MROH2B: variants seen among roughly 807,000 people sequenced by gnomAD.
MROH2B encodes maestro heat-like repeat-containing protein family member 2B.
MROH2B carries 177 observed loss-of-function variants against 208.6 expected under a neutral mutation model. The ratio of observed to expected loss-of-function variants is 0.85; its 90% CI spans 0.75 to 0.96. The LOEUF (loss-of-function observed/expected upper bound fraction) is 0.96. MROH2B is among the 40% of genes least tolerant of loss of function. The pLI is 0.00. For synonymous variants in MROH2B, 728 were observed against 659.0 expected (o/e 1.10, Z -1.60); for missense variants, 2,002 against 1,878.7 (o/e 1.07, Z -1.21).
At chr5:41,025,351 A>G (rs1742315700) in intron 24 of MROH2B, among the ~76,000 whole-genome samples, 1 of 152,154 alleles carries the variant, frequency 6.6e-6, no homozygotes, top group African/African-American at 2.4e-5. Flanking sequence ...GATAAAGGGG[A>G]TATCACCACC....
At position 41,027,261 on chromosome 5, in the gene MROH2B, A is replaced by G. The variant is rs1480319144; in HGVS notation, c.2441+5481T>C. ...TCAGAGTGAACAGACAACCTACAAA[A>G]TGGGAGAAAATTTTTGCAATCTACT... On this transcript the variant is annotated intron_variant, in intron 24 of 41. Coordinates refer to ENST00000399564, the MANE Select transcript of MROH2B (RefSeq NM_173489.5). Among the ~76,000 whole-genome samples, 4 of 152,346 alleles carry G rather than the reference A, an allele frequency of 2.6e-5. No homozygotes were observed. In the East Asian group the frequency reaches 7.7e-4, roughly 29 times the overall value.
chr5:41,007,537 ACAATGCTTTCCCACCC>A (rs939446323), intron 33 of MROH2B, 83 bp from the exon 34 acceptor site: 39 of 1,266,430 alleles, frequency 3.1e-5, no homozygotes, highest in Non-Finnish European at 3.7e-5. Context: ...TCCACTCCTC[ACAATGCTTTCCCACCC>A]CTGGACTAGG....
At position 41,052,515 on chromosome 5, in the gene MROH2B, G is replaced by A. The variant is rs185312266; in HGVS notation, c.1180C>T (p.Pro394Ser). Residue 394 changes from proline to serine, a missense_variant, in exon 12 of 42, where the codon CCA becomes TCA. Physicochemically the swap from Pro to Ser is moderately conservative, Grantham distance 74. Coordinates refer to ENST00000399564, the MANE Select transcript of MROH2B (RefSeq NM_173489.5). ...TGGGAGAAGACATAATCAATCAATG[G>A]CCATCCTTCCCGAGCTTCAATATAG... The part of the protein sequence containing the change: ...KSYIEAREGW[P>S]LIDYVFSQFA... The A allele has an allele frequency of 5.9e-5, 95 of 1,612,658 alleles. No individual in the cohort carries two copies. In the African/African-American group the frequency reaches 1.1e-3, roughly 19 times the overall value.
At chr5:41,018,267 T>C (rs1362130307) in intron 27 of MROH2B, 74 bp downstream of exon 27, 2 of 1,436,962 alleles carry the variant, frequency 1.4e-6, no homozygotes, top group Non-Finnish European at 9.5e-7. Context: ...TGCAGGAGTT[T>C]TGGATTCCAG....
intron 3 of MROH2B, among the ~76,000 whole-genome samples, chr5:41,065,694 C>T (rs56397978): frequency 0.039 from 5,904 of 152,140 alleles, 166 homozygotes; most frequent in Non-Finnish European, 0.057. Flanking sequence ...ACCATTCCTC[C>T]CACCTTCTGT....
At chr5:41,053,561 A>G (rs1450077090) in intron 11 of MROH2B, among the ~76,000 whole-genome samples, 1 of 152,186 alleles carries the variant, frequency 6.6e-6, no homozygotes, top group Non-Finnish European at 1.5e-5. Context: ...GCGGGAAGAA[A>G]AAAACCATTT....
At chr5:41,031,757 G>C (rs1051523190) in intron 24 of MROH2B, among the ~76,000 whole-genome samples, 11 of 151,942 alleles carry the variant, frequency 7.2e-5, no homozygotes, top group African/African-American at 2.7e-4. Context: ...CCACAACTAG[G>C]CCCCAGTGTC....
At chr5:41,003,953 C>T (rs1053024497) in intron 37 of MROH2B, among the ~76,000 whole-genome samples, 1 of 152,200 alleles carries the variant, frequency 6.6e-6, no homozygotes, top group African/African-American at 2.4e-5. Context: ...CAAACGTTTT[C>T]TCTAAAAGGC....
chr5:41,070,181 T>C (rs1384643068), intron 1 of MROH2B, among the ~76,000 whole-genome samples: 1 of 152,164 alleles, frequency 6.6e-6, no homozygotes, highest in African/African-American at 2.4e-5. Flanking sequence ...CATCTTCTTT[T>C]TCCATACCCT....
chr5:41,055,456 CATTT>C (rs1009558312), intron 10 of MROH2B, among the ~76,000 whole-genome samples: 4 of 131,898 alleles, frequency 3.0e-5, no homozygotes, highest in African/African-American at 8.4e-5. Context: ...GATATTGGAC[CATTT>C]AATCAACCTA....
intron 19 of MROH2B, among the ~76,000 whole-genome samples, chr5:41,040,894 T>G (rs769812640): frequency 6.6e-6 from 1 of 152,074 alleles, no homozygotes; most frequent in Non-Finnish European, 1.5e-5. Flanking sequence ...CTCGAACTCC[T>G]GACCTCGTGA....
Position 41,057,059 on chromosome 5 carries a change from T to A in MROH2B, c.919+50A>T, listed in dbSNP as rs761590546. 25 of 1,571,646 alleles carry A rather than the reference T, an allele frequency of 1.6e-5. No homozygotes were observed. In the South Asian group the frequency reaches 2.2e-4, roughly 14 times the overall value. On this transcript the variant is annotated intron_variant, in intron 9 of 41. Transcript: ENST00000399564. Reference sequence around the variant, plus strand: ...TGCCCTCCTTTTACCATTGTCATCATCATCACTTGGGGACATTTTTATTAA... The same window carrying A: ...TGCCCTCCTTTTACCATTGTCATCAACATCACTTGGGGACATTTTTATTAA...
chr5:41,039,354 G>T, intron 20 of MROH2B, 94 bp downstream of exon 20: 1 of 708,512 alleles, frequency 1.4e-6, no homozygotes, highest in South Asian at 2.0e-5. Flanking sequence ...CTGGGGACAG[G>T]AGTAAGTATA....
rs1048967304 is a variant in MROH2B, at chr5:41,052,363, C to T, written c.1230+102G>A. On this transcript the variant is annotated intron_variant, in intron 12 of 41. Transcript: ENST00000399564. ...TTATTTATTTATTTTTTACTCTACTCCTGTGACAGATTAAGGATCCTAATC... is the reference window on the plus strand; with the variant it reads ...TTATTTATTTATTTTTTACTCTACTTCTGTGACAGATTAAGGATCCTAATC... 6.1e-6 allele frequency: 7 copies of T among 1,154,930 alleles called. No homozygotes were observed. The African/African-American group carries it at 6.3e-5, about 10-fold the overall frequency. The allele number at this position is 1,154,930 out of a possible 1,614,324, so 71.5% of individuals were successfully genotyped here. A position where few individuals can be genotyped will look rare whatever the true frequency, so the allele number is the denominator to read the frequency against.
At chr5:41,018,579 G>A (rs1202556777) in intron 26 of MROH2B, 112 bp downstream of exon 26, 1 of 1,422,498 alleles carries the variant, frequency 7.0e-7, no homozygotes, top group African/African-American at 1.4e-5. Flanking sequence ...GTGGGGTGTG[G>A]GTGGGTCCAG....
chr5:41,030,822 C>T (rs1273980669), intron 24 of MROH2B, among the ~76,000 whole-genome samples: 1 of 151,940 alleles, frequency 6.6e-6, no homozygotes, highest in Non-Finnish European at 1.5e-5. Flanking sequence ...GTAGTTTTAG[C>T]CAACAATATG....
At chr5:41,041,986 A>G (rs1299954452) in intron 19 of MROH2B, 106 bp downstream of exon 19, 2 of 587,646 alleles carry the variant, frequency 3.4e-6, no homozygotes, top group Non-Finnish European at 5.8e-6. Flanking sequence ...TTAATTGATA[A>G]TTATGATTAA....
chr5:41,032,963 C>T (rs1399236886), intron 23 of MROH2B, 78 bp downstream of exon 23: 1 of 1,583,110 alleles, frequency 6.3e-7, no homozygotes, highest in Non-Finnish European at 8.6e-7. Flanking sequence ...GAAGTCTATT[C>T]ACTTTTTAAA....
chr5:41,033,997 T>A, intron 21 of MROH2B, 133 bp from the exon 22 acceptor site: 1 of 1,139,066 alleles, frequency 8.8e-7, no homozygotes, highest in Non-Finnish European at 1.1e-6. Context: ...CCAAGGGGGG[T>A]CTTGCCAAGG....
Sources: gnomAD v4.1 joint callset for allele counts (sites outside exome capture counted in the v4.1 genomes callset) on GRCh38, gnomAD v4.1.1 for gene constraint, MANE v1.5 for transcripts, NCBI Gene and HGNC (gene_info 2026-07-23, HGNC 2026-07-21) for gene names.